Variants in PXDNL observed in about 807,000 individuals in gnomAD.
PXDNL encodes the protein probable oxidoreductase PXDNL.
PXDNL carries 145 observed loss-of-function variants against 150.8 expected under a neutral mutation model. That is an observed-to-expected ratio of 0.96 (90% CI 0.84 to 1.10). The LOEUF is 1.10. PXDNL is among the 50% of genes least tolerant of loss of function. The pLI is 0.00. For synonymous variants in PXDNL, 757 were observed against 725.7 expected, an observed-to-expected ratio of 1.04 and a Z score of -0.69; for missense variants, 2,087 against 1,873.9, an observed-to-expected ratio of 1.11 and a Z score of -2.10.
At chr8:51,351,053 G>T (rs923255000) in intron 19 of PXDNL, among the ~76,000 whole-genome samples, 10 of 152,194 alleles carry the variant, frequency 6.6e-5, no homozygotes, top group Non-Finnish European at 1.3e-4. Flanking sequence ...GACGGTTCCA[G>T]TAGCACCCCA....
chr8:51,408,857 C>T lies in PXDNL; in HGVS notation c.2767G>A (p.Gly923Ser), dbSNP rs777379672. The change falls in exon 17 of 23, where the codon GGC becomes AGC. Residue 923 changes from glycine (G) to serine (S), a missense_variant. Transcript: ENST00000356297. ...TTTCCGGAGGGAGGCCAAGGAAAGC[C>T]TGTCTTCAGGAGACCCCGAGGCACC... Reference protein sequence around the residue: ...PSVPRGLLKTGFPWPPSGKPL... With the variant: ...PSVPRGLLKTSFPWPPSGKPL... The T allele has an allele frequency of 2.5e-6, 4 of 1,582,814 alleles. No individual in the cohort carries two copies. The highest frequency in any genetic ancestry group is 1.7e-4 in the Middle Eastern group (1 of 5,866).
At chr8:51,638,112 T>A (rs907793665) in intron 2 of PXDNL, among the ~76,000 whole-genome samples, 1 of 152,162 alleles carries the variant, frequency 6.6e-6, no homozygotes, top group Non-Finnish European at 1.5e-5. Context: ...GCTTCATAAC[T>A]GAAGGATAAA....
At chr8:51,437,915 G>C (rs1394248406) in intron 12 of PXDNL, among the ~76,000 whole-genome samples, 3 of 151,980 alleles carry the variant, frequency 2.0e-5, no homozygotes, top group Non-Finnish European at 4.4e-5. Context: ...AACCCTAAAG[G>C]CTCCTCAAAA....
intron 3 of PXDNL, among the ~76,000 whole-genome samples, chr8:51,580,914 T>C (rs575118727): frequency 1.3e-5 from 2 of 152,282 alleles, no homozygotes; most frequent in East Asian, 3.9e-4. Context: ...ACTCCATAGA[T>C]ATTTTTTTGC....
intron 1 of PXDNL, among the ~76,000 whole-genome samples, chr8:51,674,021 T>A (rs1013640225): frequency 3.9e-5 from 6 of 152,190 alleles, no homozygotes; most frequent in African/African-American, 1.4e-4. Flanking sequence ...ATTGAGTGTA[T>A]GGGCCCTACA....
intron 1 of PXDNL, among the ~76,000 whole-genome samples, chr8:51,780,626 CTCTT>C (rs1181359687): frequency 2.0e-5 from 3 of 148,472 alleles, no homozygotes; most frequent in Non-Finnish European, 4.4e-5. Flanking sequence ...TCTCTGGGGC[CTCTT>C]TCTTTTTCTT....
chr8:51,692,165 C>A (rs767999655), intron 1 of PXDNL, among the ~76,000 whole-genome samples: 5 of 152,134 alleles, frequency 3.3e-5, no homozygotes, highest in Non-Finnish European at 7.4e-5. Flanking sequence ...TTATTCAATT[C>A]TTTCTGTCAA....
intron 4 of PXDNL, among the ~76,000 whole-genome samples, chr8:51,525,700 G>A (rs1811756783): frequency 6.6e-6 from 1 of 152,182 alleles, no homozygotes; most frequent in Non-Finnish European, 1.5e-5. Context: ...GGAAGATTCT[G>A]GCAGCCTGTC....
intron 5 of PXDNL, among the ~76,000 whole-genome samples, chr8:51,493,365 A>G (rs573443753): frequency 3.9e-5 from 6 of 152,312 alleles, no homozygotes; most frequent in Admixed American, 2.0e-4. Context: ...AAACTCTAAA[A>G]ATCAGAGCGC....
chr8:51,380,532 CTTCT>C (rs1297574419), intron 17 of PXDNL, among the ~76,000 whole-genome samples: 2 of 152,194 alleles, frequency 1.3e-5, no homozygotes, highest in Admixed American at 1.3e-4. Flanking sequence ...ACTTGTTAGA[CTTCT>C]TTACCTTTTC....
At chr8:51,551,810 CAAAGAT>C (rs1208269818) in intron 4 of PXDNL, among the ~76,000 whole-genome samples, 1 of 152,136 alleles carries the variant, frequency 6.6e-6, no homozygotes, top group East Asian at 1.9e-4. Flanking sequence ...GCAACAAAAA[CAAAGAT>C]AAATAGATGG....
At chr8:51,754,281 G>C (rs1487245348) in intron 1 of PXDNL, among the ~76,000 whole-genome samples, 1 of 152,142 alleles carries the variant, frequency 6.6e-6, no homozygotes, top group African/African-American at 2.4e-5. Flanking sequence ...GAATACCCAG[G>C]TGCCAAATCC....
intron 20 of PXDNL, 96 bp from the exon 21 acceptor site, chr8:51,339,849 C>G (rs986775770): frequency 1.6e-6 from 2 of 1,213,994 alleles, no homozygotes; most frequent in Non-Finnish European, 2.3e-6. Context: ...TTGGCATGTA[C>G]AAGGCATTGT....
chr8:51,798,334 G>A (rs975546431), intron 1 of PXDNL, among the ~76,000 whole-genome samples: 6 of 152,080 alleles, frequency 3.9e-5, no homozygotes, highest in Admixed American at 6.6e-5. Flanking sequence ...ATTGACTAAC[G>A]GAATCTAATT....
chr8:51,459,972 G>A (rs902721475), intron 8 of PXDNL, among the ~76,000 whole-genome samples: 4 of 152,074 alleles, frequency 2.6e-5, no homozygotes, highest in African/African-American at 7.2e-5. Flanking sequence ...CTATGGTCAC[G>A]CACAGTGACT....
At chr8:51,540,725 C>T (rs1812196887) in intron 4 of PXDNL, among the ~76,000 whole-genome samples, 1 of 152,038 alleles carries the variant, frequency 6.6e-6, no homozygotes, top group Non-Finnish European at 1.5e-5. Context: ...TCAGTTAGGT[C>T]AAGTTGGTTG....
chr8:51,592,602 A>G, intron 3 of PXDNL, 25 bp downstream of exon 3: 1 of 1,417,374 alleles, frequency 7.1e-7, no homozygotes, highest in East Asian at 2.5e-5. Context: ...ACCATAAGGC[A>G]TTGTTGTTTT....
intron 3 of PXDNL, among the ~76,000 whole-genome samples, chr8:51,575,707 C>T (rs933014386): frequency 6.6e-6 from 1 of 151,772 alleles, no homozygotes; most frequent in African/African-American, 2.4e-5. Flanking sequence ...AGAGTGACTC[C>T]TTCTCAAAAA....
intron 17 of PXDNL, among the ~76,000 whole-genome samples, chr8:51,379,350 AAT>A (rs1461188142): frequency 6.6e-6 from 1 of 152,134 alleles, no homozygotes; most frequent in African/African-American, 2.4e-5. Flanking sequence ...CTAACCTGAA[AAT>A]ATGTCTTTTT....
Sources: allele counts gnomAD v4.1 joint callset (sites outside exome capture counted in the v4.1 genomes callset), GRCh38; gene constraint gnomAD v4.1.1; transcripts MANE v1.5; gene names NCBI Gene and HGNC (gene_info 2026-07-23, HGNC 2026-07-21).